Variants in ENTPD1 observed in about 807,000 individuals in gnomAD.
ENTPD1 encodes ATP diphosphohydrolase.
ENTPD1 carries 33 observed loss-of-function variants against 57.0 expected under a neutral mutation model. The observed-to-expected ratio is 0.58, with a 90% CI of 0.44 to 0.77. ENTPD1 has a LOEUF of 0.77. Among genes scored for constraint, ENTPD1 ranks in the 30% least tolerant of loss-of-function variants. The pLI is 0.00. For missense variants in ENTPD1, 501 were observed against 603.4 expected (o/e 0.83, Z 1.78); for synonymous variants, 202 against 218.8 (o/e 0.92, Z 0.68).
At chr10:95,694,791 T>A in the ENTPD1 span, among the ~76,000 whole-genome samples, 3 of 152,004 alleles carry the variant, frequency 2.0e-5, no homozygotes, top group Non-Finnish European at 4.4e-5. Flanking sequence ...GGGACTTTCC[T>A]TCGGTATTGG....
chr10:95,727,208 C>T (rs543719045), intron 1 of ENTPD1, among the ~76,000 whole-genome samples: 1 of 152,188 alleles, frequency 6.6e-6, no homozygotes, highest in East Asian at 1.9e-4. Flanking sequence ...ACTGAATTTT[C>T]CCATTTATTT....
At chr10:95,709,706 C>A (rs1195046385), upstream of ENTPD1, among the ~76,000 whole-genome samples, 1 of 151,922 alleles carries the variant, frequency 6.6e-6, no homozygotes, top group East Asian at 1.9e-4. Context: ...ATAACCAAAC[C>A]CACCTTTCTT....
At chr10:95,718,017 G>C (rs1262384733) in intron 1 of ENTPD1, among the ~76,000 whole-genome samples, 1 of 152,136 alleles carries the variant, frequency 6.6e-6, no homozygotes, top group African/African-American at 2.4e-5. Flanking sequence ...GGCATATATG[G>C]GTGTGGGCGG....
chr10:95,721,972 G>C (rs2097977978), intron 1 of ENTPD1, among the ~76,000 whole-genome samples: 1 of 152,130 alleles, frequency 6.6e-6, no homozygotes, highest in African/African-American at 2.4e-5. Flanking sequence ...AGCTGGGCTG[G>C]GTTCCTGAGT....
chr10:95,748,029 G>T (rs1455640887), intron 1 of ENTPD1, among the ~76,000 whole-genome samples: 1 of 151,914 alleles, frequency 6.6e-6, no homozygotes, highest in Admixed American at 6.6e-5. Context: ...GCGCCACCAT[G>T]CCCGGCTAAT....
rs1031394748 is a variant in ENTPD1, at chr10:95,870,077, T to C, written c.*3694T>C. The C allele has an allele frequency of 1.6e-5, 16 of 985,388 alleles. No individual in the cohort carries two copies. In the South Asian group the frequency reaches 3.3e-4, roughly 20 times the overall value. The allele number at this position is 985,388 out of a possible 1,614,324, so 61.0% of individuals were successfully genotyped here. On this transcript the variant is annotated 3_prime_UTR_variant, in exon 10 of 10. Transcript: ENST00000371205. ...GTAACATTCTTGCTATTATTTATTA[T>C]ATATGACATTATTCCTAAAAAAGCT...
intron 1 of ENTPD1, among the ~76,000 whole-genome samples, chr10:95,758,697 C>A (rs1323868269): frequency 6.6e-6 from 1 of 152,142 alleles, no homozygotes; most frequent in Non-Finnish European, 1.5e-5. Flanking sequence ...GCAACTTTCT[C>A]ATCAGTGTGG....
chr10:95,694,310 G>A, the ENTPD1 span, among the ~76,000 whole-genome samples: 1 of 151,738 alleles, frequency 6.6e-6, no homozygotes, highest in Non-Finnish European at 1.5e-5. Flanking sequence ...TTTTCACCCC[G>A]GATTCCAACG....
At chr10:95,788,483 G>T (rs916071284) in intron 1 of ENTPD1, among the ~76,000 whole-genome samples, 3 of 152,148 alleles carry the variant, frequency 2.0e-5, no homozygotes, top group Admixed American at 6.5e-5. Context: ...TGGGCGTGGT[G>T]GTGGGTGCCT....
intron 1 of ENTPD1, among the ~76,000 whole-genome samples, chr10:95,748,312 A>G (rs748081706): frequency 4.6e-4 from 70 of 152,198 alleles, no homozygotes; most frequent in Non-Finnish European, 9.0e-4. Context: ...ATTCAGTTAC[A>G]TTTCTTAAAT....
At chr10:95,792,266 C>G (rs1244842673) in intron 1 of ENTPD1, among the ~76,000 whole-genome samples, 1 of 152,012 alleles carries the variant, frequency 6.6e-6, no homozygotes, top group East Asian at 1.9e-4. Flanking sequence ...CCCGAGTGCC[C>G]CATAAGACCC....
At chr10:95,720,310 G>T (rs2097976079) in intron 1 of ENTPD1, among the ~76,000 whole-genome samples, 1 of 152,084 alleles carries the variant, frequency 6.6e-6, no homozygotes, top group Admixed American at 6.5e-5. Flanking sequence ...GCAACAAATG[G>T]GTGTTCTTTT....
In ENTPD1 at chr10:95,870,291, T is replaced by C. The variant is rs2098479004; in HGVS notation, c.*3908T>C. 1.0e-6 allele frequency: 1 copy of C among 983,868 alleles called. No homozygotes were observed. The highest frequency in any genetic ancestry group is 1.2e-6 in the Non-Finnish European group (1 of 828,528). 60.9% of individuals were successfully genotyped at this position (983,868 alleles called of 1,614,324 possible). A position where few individuals can be genotyped will look rare whatever the true frequency, so the allele number is the denominator to read the frequency against. ...GTAAATTTGAATATTAAAATAAAGA[T>C]GATTTTTTTTTTGGAGCTAGTCTTG... is the stretch of plus-strand genomic sequence containing the variant. On this transcript the variant is annotated 3_prime_UTR_variant, in exon 10 of 10. Transcript: ENST00000371205.
At position 95,872,905 on chromosome 10, in the gene ENTPD1, C is replaced by A. The variant is rs183751146; in HGVS notation, c.*6522C>A. On this transcript the variant is annotated 3_prime_UTR_variant, in exon 10 of 10. Transcript: ENST00000371205. ...TGGAACTTTTCCTTTTTGGAACATGCCTTTAGTTTCTGTGTAGTTTGCCAT... is the reference window on the plus strand; with the variant it reads ...TGGAACTTTTCCTTTTTGGAACATGACTTTAGTTTCTGTGTAGTTTGCCAT... 2 of 985,230 alleles carry A rather than the reference C, an allele frequency of 2.0e-6. No individual in the cohort carries two copies. The highest frequency in any genetic ancestry group is 3.5e-5 in the African/African-American group (2 of 57,200). The allele number at this position is 985,230 out of a possible 1,614,324, so 61.0% of individuals were successfully genotyped here.
chr10:95,741,630 T>C (rs1219087486), intron 1 of ENTPD1, among the ~76,000 whole-genome samples: 1 of 151,808 alleles, frequency 6.6e-6, no homozygotes, highest in Non-Finnish European at 1.5e-5. Flanking sequence ...GCAAGTGGAG[T>C]ATGCCTGTAA....
intron 1 of ENTPD1, among the ~76,000 whole-genome samples, chr10:95,819,027 TCCA>T (rs551522153): frequency 1.3e-5 from 2 of 152,216 alleles, no homozygotes; most frequent in Non-Finnish European, 2.9e-5. Flanking sequence ...TTGCCTGAAA[TCCA>T]CCACATCTGT....
chr10:95,805,512 T>C (rs1036963347), intron 1 of ENTPD1, among the ~76,000 whole-genome samples: 7 of 152,234 alleles, frequency 4.6e-5, no homozygotes, highest in Non-Finnish European at 1.0e-4. Flanking sequence ...TATTGTTATG[T>C]GTGAATTTGA....
intron 4 of ENTPD1, 109 bp downstream of exon 4, chr10:95,842,603 C>T: frequency 1.6e-6 from 2 of 1,222,794 alleles, no homozygotes; most frequent in Non-Finnish European, 2.3e-6. Flanking sequence ...AAGTTCTACA[C>T]ACCCAAGTCC....
At chr10:95,756,591 G>A (rs889206186) in intron 1 of ENTPD1, 12 of 322,620 alleles carry the variant, frequency 3.7e-5, no homozygotes, top group Non-Finnish European at 5.8e-5. Flanking sequence ...TCTGCAGTCC[G>A]GACTCATCTA....
Sources: allele counts gnomAD v4.1 joint callset (sites outside exome capture counted in the v4.1 genomes callset), GRCh38; gene constraint gnomAD v4.1.1; transcripts MANE v1.5; gene names NCBI Gene and HGNC (gene_info 2026-07-23, HGNC 2026-07-21).